LGR4: variants seen among roughly 807,000 people sequenced by gnomAD.
LGR4 encodes leucine-rich repeat-containing G protein-coupled receptor 4.
LGR4 carries 44 observed loss-of-function variants against 84.8 expected under a neutral mutation model. That is an observed-to-expected ratio of 0.52 (90% CI 0.41 to 0.67). LGR4 has a LOEUF of 0.67. LGR4 is among the 30% of genes least tolerant of loss of function. The pLI, the probability that LGR4 is intolerant of heterozygous loss-of-function variation, is 0.00. For missense variants in LGR4, 1,032 were observed against 1,131.4 expected, an observed-to-expected ratio of 0.91 and a Z score of 1.26; for synonymous variants, 429 against 434.3, an observed-to-expected ratio of 0.99 and a Z score of 0.15.
At chr11:27,454,761 CAA>C (rs59633176) in intron 1 of LGR4, among the ~76,000 whole-genome samples, 122 of 108,776 alleles carry the variant, frequency 1.1e-3, no homozygotes, top group Non-Finnish European at 1.2e-3. Flanking sequence ...GACTCTGTCT[CAA>C]AAAAAAAAAA....
At chr11:27,403,426 G>C (rs1192191618) in intron 2 of LGR4, among the ~76,000 whole-genome samples, 1 of 152,170 alleles carries the variant, frequency 6.6e-6, no homozygotes, top group Non-Finnish European at 1.5e-5. Context: ...CTGGACAATA[G>C]AGTGAGACCC....
intron 1 of LGR4, among the ~76,000 whole-genome samples, chr11:27,451,073 T>C (rs1024270319): frequency 3.3e-5 from 5 of 152,234 alleles, no homozygotes; most frequent in African/African-American, 7.2e-5. Flanking sequence ...ACTACAGTTT[T>C]TAGTATTCAC....
At chr11:27,472,070 G>T in intron 1 of LGR4, 48 bp downstream of exon 1, 1 of 1,135,474 alleles carries the variant, frequency 8.8e-7, no homozygotes, top group Non-Finnish European at 1.1e-6. Flanking sequence ...GCCCCCCGCT[G>T]GGCCCCGTTT....
At chr11:27,406,630 C>T (rs1163109488) in intron 2 of LGR4, among the ~76,000 whole-genome samples, 1 of 152,176 alleles carries the variant, frequency 6.6e-6, no homozygotes, top group Non-Finnish European at 1.5e-5. Flanking sequence ...CCAAATGACA[C>T]ACTATAGGCA....
Position 27,382,260 on chromosome 11 carries a change from GA to G in LGR4, c.690-5del. 4.4e-6 allele frequency: 7 copies of G among 1,580,460 alleles called. No individual in the cohort carries two copies. Among genetic ancestry groups the G allele is most frequent in the South Asian group, 1.1e-5 (1 of 89,762 alleles). On this transcript the variant is annotated splice_polypyrimidine_tract_variant and splice_region_variant and intron_variant, in intron 6 of 17. Coordinates refer to ENST00000379214, the MANE Select transcript of LGR4 (RefSeq NM_018490.5). ...CAAGTTATTATAATTCAAGTCTCTA[GA>G]AAAAAATGGGTGAAAATATATCAAA...
At chr11:27,425,328 T>TA (rs996665938) in intron 1 of LGR4, among the ~76,000 whole-genome samples, 1 of 146,996 alleles carries the variant, frequency 6.8e-6, no homozygotes, top group African/African-American at 2.5e-5. Context: ...TCAGCACAGT[T>TA]TTTTTTTTTG....
chr11:27,401,867 T>C (rs1326162248), intron 2 of LGR4, among the ~76,000 whole-genome samples: 1 of 152,116 alleles, frequency 6.6e-6, no homozygotes, highest in Non-Finnish European at 1.5e-5. Context: ...GTTGAGGGGA[T>C]AAGTACACAC....
intron 1 of LGR4, among the ~76,000 whole-genome samples, chr11:27,415,172 T>C (rs1188668888): frequency 6.6e-6 from 1 of 152,264 alleles, no homozygotes. Flanking sequence ...ACAATGATTC[T>C]GTAAAATATC....
chr11:27,438,482 C>T (rs949166707), intron 1 of LGR4, among the ~76,000 whole-genome samples: 1 of 152,046 alleles, frequency 6.6e-6, no homozygotes, highest in Non-Finnish European at 1.5e-5. Context: ...TCCTACAATG[C>T]CTAAGACAGA....
At chr11:27,393,955 C>G (rs914949979) in intron 2 of LGR4, among the ~76,000 whole-genome samples, 280 of 35,856 alleles carry the variant, frequency 7.8e-3, no homozygotes, top group Middle Eastern at 0.022. Flanking sequence ...GGGGGGGGGG[C>G]GCGGGAAGGG....
At chr11:27,411,406 C>A (rs1863709838) in intron 2 of LGR4, among the ~76,000 whole-genome samples, 1 of 150,830 alleles carries the variant, frequency 6.6e-6, no homozygotes, top group South Asian at 2.1e-4. Flanking sequence ...AAAACAACAA[C>A]ACAGGAGGCA....
At chr11:27,441,156 G>T (rs933927743) in intron 1 of LGR4, among the ~76,000 whole-genome samples, 2 of 152,166 alleles carry the variant, frequency 1.3e-5, no homozygotes, top group Non-Finnish European at 2.9e-5. Context: ...CATAGAACTA[G>T]AGAAATATTG....
chr11:27,452,068 G>A (rs544214143), intron 1 of LGR4, among the ~76,000 whole-genome samples: 20 of 152,248 alleles, frequency 1.3e-4, no homozygotes, highest in Non-Finnish European at 2.6e-4. Flanking sequence ...ATTAAAACTG[G>A]TTATGCTCTC....
At chr11:27,472,009 C>CGGGGG in intron 1 of LGR4, 109 bp downstream of exon 1, 1 of 770,858 alleles carries the variant, frequency 1.3e-6, no homozygotes, top group Non-Finnish European at 1.7e-6. Flanking sequence ...CAGGCCCGGG[C>CGGGGG]GGCGGCGGGG....
chr11:27,376,364 T>C lies in LGR4; in HGVS notation c.1116A>G (p.Leu372=). Residue 372 remains leucine, a synonymous_variant, in exon 13 of 18, where the codon TTA becomes TTG. Coordinates refer to ENST00000379214, the MANE Select transcript of LGR4 (RefSeq NM_018490.5). ...NGCHALEEIS[L]QRNQIYQIKE... The stretch of plus-strand genomic sequence containing the variant: ...TTATTTGGTAGATTTGATTACGCTG[T>C]AAAGAACTAAATAAAAAAAGAAGAA... 1 of 1,509,772 alleles carries C rather than the reference T, an allele frequency of 6.6e-7. No individual in the cohort carries two copies. Among genetic ancestry groups the C allele is most frequent in the Non-Finnish European group, 9.1e-7 (1 of 1,096,954 alleles). The allele number at this position is 1,509,772 out of a possible 1,614,324, so 93.5% of individuals were successfully genotyped here.
rs150242889 is a variant in LGR4 at position 27,385,768 on chromosome 11, CA to C, written c.402-301del. ...AAGATATATTTTTTAAAAACACTTG[CA>C]AAGTTCATATTGAAATTATGTTTTA... On this transcript the variant is annotated intron_variant, in intron 4 of 17. Transcript: ENST00000379214. Among the ~76,000 whole-genome samples the C allele has an allele frequency of 7.5e-5, 11 of 145,722 alleles. No individual in the cohort carries two copies. In the East Asian group the frequency reaches 2.2e-3, roughly 30 times the overall value.
chr11:27,461,382 G>A (rs1203753888), intron 1 of LGR4, among the ~76,000 whole-genome samples: 1 of 151,232 alleles, frequency 6.6e-6, no homozygotes, highest in African/African-American at 2.4e-5. Flanking sequence ...CCCATAACCA[G>A]TAAAATCATA....
chr11:27,386,798 C>T (rs1863196708), intron 4 of LGR4, among the ~76,000 whole-genome samples: 1 of 152,186 alleles, frequency 6.6e-6, no homozygotes, highest in South Asian at 2.1e-4. Context: ...ACTGAAAGAA[C>T]ACTTAAAAAG....
Position 27,392,516 on chromosome 11 carries a change from T to C in LGR4, c.260A>G (p.Gln87Arg), listed in dbSNP as rs1382941841. Residue 87 changes from glutamine (Q) to arginine (R), a missense_variant and splice_region_variant, in exon 3 of 18, where the codon CAA (glutamine) becomes CGA (arginine). Transcript: ENST00000379214. Reference sequence around the variant, plus strand: ...AAAAGAAAGGTCGTTGCCCGCCAATTGTCTAGAGAAAAAAAAAAAAAAAGT... The same window carrying C: ...AAAAGAAAGGTCGTTGCCCGCCAATCGTCTAGAGAAAAAAAAAAAAAAAGT... ...FKNFPFLEEL[Q>R]LAGNDLSFIH... is the part of the protein sequence containing the mutation. 6.4e-7 allele frequency: 1 copy of C among 1,556,992 alleles called. No individual in the cohort carries two copies. The highest frequency in any genetic ancestry group is 2.3e-5 in the East Asian group (1 of 43,914).
Sources: allele counts gnomAD v4.1 joint callset (sites outside exome capture counted in the v4.1 genomes callset), GRCh38; gene constraint gnomAD v4.1.1; transcripts MANE v1.5; gene names NCBI Gene and HGNC (gene_info 2026-07-23, HGNC 2026-07-21).